The following TRHDE variants were observed in gnomAD, a reference collection of about 807,000 sequenced individuals.
The protein encoded by TRHDE is thyrotropin releasing hormone degrading enzyme.
In TRHDE, 72 loss-of-function variants were observed where a neutral mutation model predicts 125.7. The ratio of observed to expected loss-of-function variants is 0.57; its 90% CI spans 0.47 to 0.70. The LOEUF (loss-of-function observed/expected upper bound fraction) is 0.70, where lower values mean the gene tolerates loss of function less well. Among genes scored for constraint, TRHDE ranks in the 30% least tolerant of loss-of-function variants. The pLI is 0.00. For missense variants in TRHDE, 1,110 were observed against 1,327.1 expected (o/e 0.84, Z 2.54); for synonymous variants, 509 against 509.1 (o/e 1.00, Z 0.00).
intron 5 of TRHDE, among the ~76,000 whole-genome samples, chr12:72,479,483 G>C (rs574900619): frequency 6.6e-5 from 10 of 151,818 alleles, no homozygotes; most frequent in Non-Finnish European, 1.5e-5. Flanking sequence ...ATTAGTATTC[G>C]TGTATATTCA....
chr12:72,122,332 C>T (rs748336259), intron 2 of TRHDE, among the ~76,000 whole-genome samples: 5 of 152,122 alleles, frequency 3.3e-5, no homozygotes, highest in African/African-American at 7.2e-5. Context: ...TGACATTGCT[C>T]TTATTAAACC....
intron 3 of TRHDE, among the ~76,000 whole-genome samples, chr12:72,461,997 A>T (rs750964297): frequency 1.3e-5 from 2 of 152,168 alleles, no homozygotes; most frequent in Non-Finnish European, 2.9e-5. Context: ...TAATATCCCC[A>T]TGTTATCAAT....
intron 2 of TRHDE, among the ~76,000 whole-genome samples, chr12:72,199,063 T>C (rs531221319): frequency 1.3e-5 from 2 of 152,236 alleles, no homozygotes; most frequent in South Asian, 4.2e-4. Context: ...TCCATCCCTA[T>C]GATCTAATCA....
intron 12 of TRHDE, among the ~76,000 whole-genome samples, chr12:72,612,812 C>T (rs1457887144): frequency 2.0e-5 from 3 of 152,102 alleles, no homozygotes; most frequent in Non-Finnish European, 4.4e-5. Context: ...GACCAAATAA[C>T]TGACATCTAT....
intron 2 of TRHDE, among the ~76,000 whole-genome samples, chr12:72,356,345 A>G (rs1022930618): frequency 5.9e-5 from 9 of 151,534 alleles, no homozygotes; most frequent in African/African-American, 2.2e-4. Context: ...GAACACATGG[A>G]CACAGAGAGG....
intron 2 of TRHDE, among the ~76,000 whole-genome samples, chr12:72,193,857 C>T (rs1877385507): frequency 6.6e-6 from 1 of 151,910 alleles, no homozygotes; most frequent in African/African-American, 2.4e-5. Context: ...GAACAGGATC[C>T]ACACTTCCCT....
chr12:72,525,601 T>TGTGTGTGTG (rs1868317196), intron 6 of TRHDE, among the ~76,000 whole-genome samples: 1 of 127,672 alleles, frequency 7.8e-6, no homozygotes, highest in Admixed American at 8.0e-5. Flanking sequence ...TGTGTGTGGT[T>TGTGTGTGTG]TGTGTGTGTG....
In TRHDE at chr12:72,582,988, G is replaced by A. The variant is rs977081134; in HGVS notation, c.2321+7446G>A. Among the ~76,000 whole-genome samples the A allele has an allele frequency of 3.9e-5, 6 of 152,176 alleles. No individual in the cohort carries two copies. The South Asian group carries it at 1.2e-3, about 32-fold the overall frequency. On this transcript the variant is annotated intron_variant, in intron 12 of 18. Coordinates refer to ENST00000261180, the MANE Select transcript of TRHDE (RefSeq NM_013381.3). ...TAGTTGTGTTTTACAATGAAATTAT[G>A]AGCATTATTAATAATAATAGAACAT...
rs1490458902 is a variant in TRHDE at position 72,664,741 on chromosome 12, A to G, written c.*1546A>G. On this transcript the variant is annotated 3_prime_UTR_variant, in exon 19 of 19. Coordinates refer to ENST00000261180, the MANE Select transcript of TRHDE (RefSeq NM_013381.3). ...AATCTTACAAATCATTGAAAGAAAT[A>G]TATTCTAACAGTACGCACTGAATAG... The G allele has an allele frequency of 6.6e-6, 1 of 152,138 alleles. No homozygotes were observed. The highest frequency in any genetic ancestry group is 1.5e-5 in the Non-Finnish European group (1 of 68,012). 9.4% of individuals were successfully genotyped at this position (152,138 alleles called of 1,614,324 possible).
chr12:72,401,092 A>G (rs974465920), intron 3 of TRHDE, among the ~76,000 whole-genome samples: 1 of 152,186 alleles, frequency 6.6e-6, no homozygotes. Context: ...TACAGTAGGA[A>G]AAAATGTAAA....
chr12:72,295,412 G>A (rs1880257768), intron 2 of TRHDE, among the ~76,000 whole-genome samples: 1 of 152,164 alleles, frequency 6.6e-6, no homozygotes, highest in South Asian at 2.1e-4. Context: ...TAGGAACATG[G>A]TGTCTTCTGT....
chr12:72,656,547 T>C (rs1457869537), intron 17 of TRHDE, among the ~76,000 whole-genome samples: 2 of 152,174 alleles, frequency 1.3e-5, no homozygotes, highest in African/African-American at 2.4e-5. Context: ...TTGCCTTTTA[T>C]GGAATCATTT....
intron 12 of TRHDE, among the ~76,000 whole-genome samples, chr12:72,617,145 A>C (rs1872850815): frequency 6.6e-6 from 1 of 152,104 alleles, no homozygotes; most frequent in South Asian, 2.1e-4. Flanking sequence ...TTTGCACAGG[A>C]AAAGTGGCAC....
chr12:72,472,183 G>A (rs759629206), intron 4 of TRHDE, among the ~76,000 whole-genome samples: 2 of 151,772 alleles, frequency 1.3e-5, no homozygotes, highest in African/African-American at 2.4e-5. Flanking sequence ...TTTTTTTATC[G>A]TCTACCTCCC....
intron 6 of TRHDE, among the ~76,000 whole-genome samples, chr12:72,538,552 C>A (rs1472754242): frequency 2.0e-5 from 3 of 151,938 alleles, no homozygotes; most frequent in African/African-American, 7.2e-5. Flanking sequence ...TTGGCAGACT[C>A]TCCCACTCTA....
chr12:72,248,019 ATGTG>A (rs1878606497), intron 2 of TRHDE, among the ~76,000 whole-genome samples: 2 of 152,078 alleles, frequency 1.3e-5, no homozygotes, highest in Admixed American at 6.5e-5. Context: ...GTATGCATGT[ATGTG>A]TGTATGTGTA....
rs963696563 is a variant in TRHDE, at chr12:72,587,765, G to C, written c.2321+12223G>C. ...TAAATAGCTATCACATGTAACATAA[G>C]TTACAAGTGTTTGATGCAGAAATTT... On this transcript the variant is annotated intron_variant, in intron 12 of 18. Coordinates refer to ENST00000261180, the MANE Select transcript of TRHDE (RefSeq NM_013381.3). 2.0e-5 allele frequency among the ~76,000 whole-genome samples: 3 copies of C among 152,046 alleles called. No individual in the cohort carries two copies. In the South Asian group the frequency reaches 6.2e-4, roughly 32 times the overall value.
At chr12:72,579,635 A>G (rs1309909870) in intron 12 of TRHDE, among the ~76,000 whole-genome samples, 4 of 152,026 alleles carry the variant, frequency 2.6e-5, no homozygotes, top group Non-Finnish European at 4.4e-5. Flanking sequence ...CATTCCTTTT[A>G]TAGCTTTCTG....
chr12:72,340,130 A>G (rs976441539), intron 2 of TRHDE, among the ~76,000 whole-genome samples: 17 of 152,154 alleles, frequency 1.1e-4, no homozygotes, highest in Admixed American at 1.3e-4. Flanking sequence ...AACTTTCTGT[A>G]TGCAACTCTC....
Sources: gnomAD v4.1 joint callset for allele counts (sites outside exome capture counted in the v4.1 genomes callset) on GRCh38, gnomAD v4.1.1 for gene constraint, MANE v1.5 for transcripts, NCBI Gene and HGNC (gene_info 2026-07-23, HGNC 2026-07-21) for gene names.